MSR1: variants seen among roughly 807,000 people sequenced by gnomAD.
MSR1 encodes macrophage scavenger receptor types I and II.
In MSR1, 53 loss-of-function variants were observed where a neutral mutation model predicts 47.2. The observed-to-expected ratio is 1.12, with a 90% confidence interval of 0.90 to 1.41. The LOEUF (loss-of-function observed/expected upper bound fraction) is 1.41, where lower values mean the gene tolerates loss of function less well. Ranked by LOEUF, MSR1 falls within the 40% of genes most tolerant of loss-of-function variation. The pLI is 0.00. For synonymous variants in MSR1, 239 were observed against 185.6 expected (o/e 1.29, Z -2.34); for missense variants, 786 against 546.9 (o/e 1.44, Z -4.36).
At chr8:16,152,907 G>GT (rs2117139059) in intron 6 of MSR1, among the ~76,000 whole-genome samples, 1 of 152,152 alleles carries the variant, frequency 6.6e-6, no homozygotes, top group African/African-American at 2.4e-5. Flanking sequence ...TCAGCACATA[G>GT]TTTTTGAGTG....
intron 8 of MSR1, among the ~76,000 whole-genome samples, chr8:16,133,086 T>C (rs868323743): frequency 3.7e-4 from 57 of 152,276 alleles, no homozygotes; most frequent in African/African-American, 1.3e-3. Context: ...TTGCAAACTT[T>C]TCCATTATTA....
intron 9 of MSR1, among the ~76,000 whole-genome samples, chr8:16,117,134 T>A (rs991249921): frequency 7.2e-5 from 11 of 152,072 alleles, no homozygotes; most frequent in African/African-American, 2.7e-4. Context: ...GAGCAGCAGG[T>A]GAGTGAGCAA....
rs766069862 is a variant in MSR1, at chr8:16,164,270, C to T, written c.631-19G>A. Reference sequence around the variant, plus strand: ...TGATTTCCTGTAAAACATAAGTGAGCATTCACAGCCTTTGTTACATACATA... The same window carrying T: ...TGATTTCCTGTAAAACATAAGTGAGTATTCACAGCCTTTGTTACATACATA... On this transcript the variant is annotated intron_variant, in intron 4 of 9. Transcript: ENST00000262101. 3 of 1,599,610 alleles carry T rather than the reference C, an allele frequency of 1.9e-6. No individual in the cohort carries two copies. Among genetic ancestry groups the T allele is most frequent in the African/African-American group, 2.7e-5 (2 of 74,612 alleles).
At chr8:16,139,761 AAAAAAAAAAAAAAAT>A (rs1484177251) in intron 8 of MSR1, 1 of 164,162 alleles carries the variant, frequency 6.1e-6, no homozygotes, top group African/African-American at 7.0e-5. Context: ...AAAAAAAAAA[AAAAAAAAAAAAAAAT>A]ATATATATAT....
intron 7 of MSR1, among the ~76,000 whole-genome samples, chr8:16,147,067 T>G (rs1408296633): frequency 6.6e-6 from 1 of 152,160 alleles, no homozygotes; most frequent in Admixed American, 6.6e-5. Flanking sequence ...CAGACAGAAG[T>G]ACGTTATTTG....
intron 1 of MSR1, 111 bp from the exon 2 acceptor site, chr8:16,178,103 CTTTTTT>C: frequency 1.5e-6 from 1 of 654,324 alleles, no homozygotes; most frequent in Non-Finnish European, 2.5e-6. Context: ...TTCAGTTTTT[CTTTTTT>C]TTTTTTAATT....
At chr8:16,128,950 T>C (rs186750967) in intron 8 of MSR1, among the ~76,000 whole-genome samples, 2 of 152,286 alleles carry the variant, frequency 1.3e-5, no homozygotes. Flanking sequence ...GGTGCAGAAA[T>C]AGTATTTCTA....
At chr8:16,118,946 CTT>C (rs1053371325) in intron 9 of MSR1, among the ~76,000 whole-genome samples, 1 of 152,134 alleles carries the variant, frequency 6.6e-6, no homozygotes, top group African/African-American at 2.4e-5. Flanking sequence ...CAAACCCACA[CTT>C]TTCAACCTGG....
At chr8:16,177,765 G>T in intron 2 of MSR1, 121 bp downstream of exon 2, 3 of 770,382 alleles carry the variant, frequency 3.9e-6, no homozygotes, top group East Asian at 5.5e-5. Context: ...ACCCCTGTTG[G>T]TCAAATAAGT....
Position 16,177,877 on chromosome 8 carries a change from T to A in MSR1, c.103+9A>T. ...AACCTCCATGGGCAGCCCATCCCCC[T>A]CTACTTACTCGGAGGAAGCAAAGCT... is the stretch of plus-strand genomic sequence containing the variant. On this transcript the variant is annotated intron_variant, in intron 2 of 9. Coordinates refer to ENST00000262101, the MANE Select transcript of MSR1 (RefSeq NM_138715.3). 1 of 1,611,772 alleles carries A rather than the reference T, an allele frequency of 6.2e-7. No individual in the cohort carries two copies.
chr8:16,175,229 G>C lies in MSR1; in HGVS notation c.175C>G (p.Leu59Val). Residue 59 changes from leucine (L) to valine (V), a missense_variant, in exon 3 of 10, where the codon CTC becomes GTC. Coordinates refer to ENST00000262101, the MANE Select transcript of MSR1 (RefSeq NM_138715.3). ...FKAALIALYL[L>V]VFAVLIPLIG... ...AGAGGGATGAGAACTGCAAACACGA[G>C]GAGGTAAAGGGCAATCAGTGCAGCT... 1 of 1,614,076 alleles carries C rather than the reference G, an allele frequency of 6.2e-7. No individual in the cohort carries two copies. Among genetic ancestry groups the C allele is most frequent in the Non-Finnish European group, 8.5e-7 (1 of 1,179,996 alleles).
intron 3 of MSR1, among the ~76,000 whole-genome samples, chr8:16,169,914 T>C (rs999257830): frequency 6.6e-6 from 1 of 152,256 alleles, no homozygotes; most frequent in South Asian, 2.1e-4. Context: ...TCTAAAATAG[T>C]ATTTTAGGAA....
intron 4 of MSR1, among the ~76,000 whole-genome samples, chr8:16,167,950 A>G (rs892726871): frequency 6.6e-6 from 1 of 152,182 alleles, no homozygotes; most frequent in Non-Finnish European, 1.5e-5. Flanking sequence ...CGGAATATCA[A>G]CATGTTGGGA....
intron 5 of MSR1, among the ~76,000 whole-genome samples, chr8:16,162,200 T>C (rs73665240): frequency 0.015 from 2,297 of 152,110 alleles, 50 homozygotes; most frequent in African/African-American, 0.051. Context: ...GCAGTCATTT[T>C]AAGAGCCACA....
At chr8:16,110,800 G>C (rs1217897618) in intron 9 of MSR1, among the ~76,000 whole-genome samples, 2 of 152,054 alleles carry the variant, frequency 1.3e-5, no homozygotes. Context: ...ATCCTGTAAG[G>C]AAATCATGGA....
intron 1 of MSR1, among the ~76,000 whole-genome samples, chr8:16,187,567 A>G (rs1448107138): frequency 6.6e-6 from 1 of 151,994 alleles, no homozygotes. Flanking sequence ...AGCCAGATCC[A>G]TGATGTGGAC....
intron 8 of MSR1, chr8:16,140,422 T>C (rs1395433320): frequency 1.1e-5 from 11 of 985,516 alleles, no homozygotes; most frequent in Non-Finnish European, 1.1e-5. Context: ...TTTCCTATCA[T>C]TGTATGAGTT....
Position 16,120,550 on chromosome 8 carries a change from C to T in MSR1, c.1090G>A (p.Glu364Lys). Residue 364 changes from glutamate to lysine, a missense_variant, in exon 9 of 10, where the codon GAG (glutamate) becomes AAG (lysine). Coordinates refer to ENST00000262101, the MANE Select transcript of MSR1 (RefSeq NM_138715.3). Reference protein sequence around the residue: ...GGSGPHEGRVEILHSGQWGTI... With the variant: ...GGSGPHEGRVKILHSGQWGTI... ...CCCCACTGGCCGCTGTGGAGTATCT[C>T]CACCCTCCCCTCGTGAGGGCCGCTC... is the stretch of plus-strand genomic sequence containing the variant. 1 of 1,611,386 alleles carries T rather than the reference C, an allele frequency of 6.2e-7. No homozygotes were observed.
intron 1 of MSR1, among the ~76,000 whole-genome samples, chr8:16,188,904 C>G (rs1487376569): frequency 6.7e-6 from 1 of 150,050 alleles, no homozygotes; most frequent in Non-Finnish European, 1.5e-5. Context: ...TTTACCCAGT[C>G]TATCACTGAG....
Sources: allele counts gnomAD v4.1 joint callset (sites outside exome capture counted in the v4.1 genomes callset), GRCh38; gene constraint gnomAD v4.1.1; transcripts MANE v1.5; gene names NCBI Gene and HGNC (gene_info 2026-07-23, HGNC 2026-07-21).